The following AKR1E2 variants were observed in gnomAD, a reference collection of about 807,000 sequenced individuals.
AKR1E2 encodes the protein 1,5-anhydro-D-fructose reductase.
In AKR1E2, 43 loss-of-function variants were observed where a neutral mutation model predicts 41.9. The observed-to-expected ratio is 1.03, with a 90% CI of 0.80 to 1.32. The LOEUF (loss-of-function observed/expected upper bound fraction) is 1.32. Among genes scored for constraint, AKR1E2 ranks in the 40% most tolerant of loss-of-function variants. The pLI is 0.00. For missense variants in AKR1E2, 423 were observed against 396.5 expected (o/e 1.07, Z -0.57); for synonymous variants, 121 against 138.9 (o/e 0.87, Z 0.91).
chr10:4,860,839 A>G, the AKR1E2 span, among the ~76,000 whole-genome samples: 1 of 152,116 alleles, frequency 6.6e-6, no homozygotes, highest in Non-Finnish European at 1.5e-5. Context: ...AGAAATGTGA[A>G]CCTTGGGATT....
the AKR1E2 span, among the ~76,000 whole-genome samples, chr10:4,865,311 T>C: frequency 6.6e-5 from 10 of 152,328 alleles, no homozygotes; most frequent in Admixed American, 6.5e-4. Flanking sequence ...TAACAATTAT[T>C]GATTATAGTT....
chr10:4,846,353 G>T (rs113719912), intron 8 of AKR1E2, among the ~76,000 whole-genome samples: 1 of 152,166 alleles, frequency 6.6e-6, no homozygotes, highest in Non-Finnish European at 1.5e-5. Context: ...AACAAAAGGG[G>T]AGGGAAGGGC....
chr10:4,858,415 A>G, the AKR1E2 span, among the ~76,000 whole-genome samples: 1 of 152,232 alleles, frequency 6.6e-6, no homozygotes, highest in East Asian at 1.9e-4. Flanking sequence ...ATTCCCCATT[A>G]AAAATGAATA....
intron 5 of AKR1E2, 88 bp downstream of exon 5, chr10:4,837,669 A>C (rs1833540803): frequency 5.8e-6 from 9 of 1,546,466 alleles, no homozygotes; most frequent in Non-Finnish European, 7.9e-6. Context: ...AAATGGAAGA[A>C]TGGGTGAAGC....
the AKR1E2 span, among the ~76,000 whole-genome samples, chr10:4,865,637 C>T: frequency 3.9e-5 from 6 of 152,168 alleles, no homozygotes; most frequent in Non-Finnish European, 8.8e-5. Context: ...AAAGAAAATC[C>T]CTCAATACAT....
the AKR1E2 span, among the ~76,000 whole-genome samples, chr10:4,869,491 TTC>T: frequency 2.0e-5 from 3 of 152,086 alleles, no homozygotes; most frequent in Non-Finnish European, 4.4e-5. Context: ...TTCATTTTTT[TTC>T]TCTGTTTTTT....
the AKR1E2 span, among the ~76,000 whole-genome samples, chr10:4,853,684 G>A: frequency 1.3e-5 from 2 of 151,646 alleles, no homozygotes; most frequent in Admixed American, 1.3e-4. Flanking sequence ...AACTGTCAGA[G>A]GCATTTAAAT....
chr10:4,826,799 G>A (rs76916765), intron 1 of AKR1E2, among the ~76,000 whole-genome samples: 4,977 of 152,276 alleles, frequency 0.033, 135 homozygotes, highest in East Asian at 0.11. Context: ...AGTTGGGGCC[G>A]GGCGTGGGGT....
intron 8 of AKR1E2, among the ~76,000 whole-genome samples, chr10:4,844,967 C>T (rs921937275): frequency 7.9e-5 from 12 of 152,254 alleles, no homozygotes; most frequent in Admixed American, 2.0e-4. Context: ...GAGCAGGGGG[C>T]GGTGCTCGTT....
the AKR1E2 span, among the ~76,000 whole-genome samples, chr10:4,857,031 A>C: frequency 0.23 from 34,217 of 151,970 alleles, 4,069 homozygotes; most frequent in Middle Eastern, 0.34. Context: ...TGGCAACCAC[A>C]AGTCTACTTT....
At chr10:4,833,595 T>C (rs1833158767) in intron 3 of AKR1E2, 129 bp downstream of exon 3, 1 of 775,830 alleles carries the variant, frequency 1.3e-6, no homozygotes, top group Non-Finnish European at 2.2e-6. Flanking sequence ...ATCTGCCACA[T>C]GCTAGCTGCG....
chr10:4,839,841 G>A lies in AKR1E2; in HGVS notation c.680+15G>A. 1 of 1,608,910 alleles carries A rather than the reference G, an allele frequency of 6.2e-7. No homozygotes were observed. The highest frequency in any genetic ancestry group is 8.5e-7 in the Non-Finnish European group (1 of 1,175,348). ...GGTGGCTCGTGGTAAGGATACCTCAGTGGTGTGTTAGTCAGAGTCCGACTG... is the reference window on the plus strand; with the variant it reads ...GGTGGCTCGTGGTAAGGATACCTCAATGGTGTGTTAGTCAGAGTCCGACTG... On this transcript the variant is annotated intron_variant, in intron 6 of 9. Transcript: ENST00000298375.
At chr10:4,837,812 C>T (rs2131535147) in intron 5 of AKR1E2, among the ~76,000 whole-genome samples, 1 of 152,300 alleles carries the variant, frequency 6.6e-6, no homozygotes. Flanking sequence ...TGGTGCTTGG[C>T]CCTCCATGTG....
At chr10:4,868,031 G>A in the AKR1E2 span, among the ~76,000 whole-genome samples, 2 of 152,104 alleles carry the variant, frequency 1.3e-5, no homozygotes, top group African/African-American at 4.8e-5. Context: ...TGGATCGTTG[G>A]GGGTTTGGGA....
chr10:4,840,130 C>T (rs1249697459), intron 6 of AKR1E2, among the ~76,000 whole-genome samples: 1 of 152,144 alleles, frequency 6.6e-6, no homozygotes, highest in African/African-American at 2.4e-5. Context: ...CCCTTCTGAC[C>T]TCCTGACAAG....
chr10:4,872,933 G>A, the AKR1E2 span, among the ~76,000 whole-genome samples: 32,251 of 152,118 alleles, frequency 0.21, 3,605 homozygotes, highest in Middle Eastern at 0.33. Context: ...ATGTAAAGGA[G>A]TGAGCAATCC....
intron 6 of AKR1E2, among the ~76,000 whole-genome samples, chr10:4,840,114 T>A (rs925792763): frequency 2.0e-5 from 3 of 152,082 alleles, no homozygotes; most frequent in African/African-American, 4.8e-5. Context: ...CACCAGGGTG[T>A]CAGCCCCCTT....
intron 8 of AKR1E2, 98 bp downstream of exon 8, chr10:4,842,602 G>A (rs556440074): frequency 2.5e-4 from 274 of 1,078,964 alleles, no homozygotes; most frequent in Admixed American, 6.4e-4. Flanking sequence ...TGCGGAGCTT[G>A]ATGCAACAGG....
the AKR1E2 span, among the ~76,000 whole-genome samples, chr10:4,861,970 A>G: frequency 6.9e-4 from 105 of 152,170 alleles, no homozygotes; most frequent in African/African-American, 1.8e-3. Context: ...TTTTGTTGCC[A>G]TTGTTTTTGG....
Sources: allele counts gnomAD v4.1 joint callset (sites outside exome capture counted in the v4.1 genomes callset), GRCh38; gene constraint gnomAD v4.1.1; transcripts MANE v1.5; gene names NCBI Gene and HGNC (gene_info 2026-07-23, HGNC 2026-07-21).